The following DOCK1 variants were observed in gnomAD, a reference collection of about 807,000 sequenced individuals.
DOCK1 encodes the protein dedicator of cytokinesis protein 1.
In DOCK1, 138 loss-of-function variants were observed where a neutral mutation model predicts 262.7. That is an observed-to-expected ratio of 0.53 (90% CI 0.46 to 0.61). The LOEUF is 0.61. Among genes scored for constraint, DOCK1 ranks in the 20% least tolerant of loss-of-function variants. The probability of loss-of-function intolerance (pLI) is 0.00; values close to 1 mark genes in which losing one functional copy is unlikely to be tolerated. For missense variants in DOCK1, 1,908 were observed against 2,370.7 expected (o/e 0.80, Z 4.05); for synonymous variants, 866 against 867.4 (o/e 1.00, Z 0.03).
intron 27 of DOCK1, among the ~76,000 whole-genome samples, chr10:127,226,545 C>A (rs916423017): frequency 2.0e-5 from 3 of 151,956 alleles, no homozygotes; most frequent in Non-Finnish European, 4.4e-5. Flanking sequence ...GAGTTCGAGA[C>A]CAGCCTGGCC....
chr10:127,024,347 G>A (rs1258346415), intron 14 of DOCK1, among the ~76,000 whole-genome samples: 1 of 152,170 alleles, frequency 6.6e-6, no homozygotes, highest in African/African-American at 2.4e-5. Flanking sequence ...CCACTTTTTA[G>A]TCTACAGTCC....
At chr10:127,406,373 C>T (rs774078537) in intron 40 of DOCK1, among the ~76,000 whole-genome samples, 2 of 152,178 alleles carry the variant, frequency 1.3e-5, no homozygotes, top group Non-Finnish European at 2.9e-5. Flanking sequence ...TGGGTCATCT[C>T]CACCACCAAA....
At chr10:127,240,560 A>G (rs959592125) in intron 27 of DOCK1, among the ~76,000 whole-genome samples, 10 of 152,182 alleles carry the variant, frequency 6.6e-5, no homozygotes, top group Admixed American at 2.0e-4. Context: ...TTAATCAAAT[A>G]TTTAATTAAT....
At chr10:127,093,321 C>T (rs559961346) in intron 23 of DOCK1, among the ~76,000 whole-genome samples, 1 of 143,248 alleles carries the variant, frequency 7.0e-6, no homozygotes, top group Admixed American at 7.1e-5. Context: ...TCTCGGCTCA[C>T]TGCAACTTCC....
intron 14 of DOCK1, 92 bp downstream of exon 14, chr10:127,023,416 G>A: frequency 2.6e-6 from 4 of 1,521,004 alleles, no homozygotes; most frequent in Non-Finnish European, 3.5e-6. Flanking sequence ...TGTCGTCAGG[G>A]TGGGGCTTTG....
chr10:127,389,368 C>T (rs1384050863), intron 38 of DOCK1, among the ~76,000 whole-genome samples: 1 of 152,132 alleles, frequency 6.6e-6, no homozygotes, highest in East Asian at 1.9e-4. Flanking sequence ...TGACAAAGGC[C>T]ACGGCTGAAG....
At chr10:127,296,101 A>G (rs1406010650) in intron 29 of DOCK1, among the ~76,000 whole-genome samples, 1 of 152,200 alleles carries the variant, frequency 6.6e-6, no homozygotes, top group African/African-American at 2.4e-5. Context: ...TACTTGCCGT[A>G]TAATTTCTGA....
chr10:127,240,436 T>A (rs946102348), intron 27 of DOCK1, among the ~76,000 whole-genome samples: 2 of 151,982 alleles, frequency 1.3e-5, no homozygotes, highest in African/African-American at 4.8e-5. Context: ...TCACCATGGG[T>A]TGTTTATATG....
At chr10:127,224,913 A>G (rs2058580667) in intron 27 of DOCK1, among the ~76,000 whole-genome samples, 1 of 152,142 alleles carries the variant, frequency 6.6e-6, no homozygotes, top group Admixed American at 6.6e-5. Context: ...GTACATTTTA[A>G]TGAATGTGAA....
rs1311640879 is a variant in DOCK1, at chr10:126,995,104, C to T, written c.474-1644C>T. Among the ~76,000 whole-genome samples the T allele has an allele frequency of 2.0e-5, 3 of 151,468 alleles. No individual in the cohort carries two copies. The highest frequency in any genetic ancestry group is 4.9e-5 in the African/African-American group (2 of 41,190). ...GACGGGGCGGCAGGGCAGAGGCGCT[C>T]CCCAGATCCCAGACGATGGGCGGCC... On this transcript the variant is annotated intron_variant, in intron 6 of 51. Coordinates refer to ENST00000623213, the MANE Select transcript of DOCK1 (RefSeq NM_001290223.2). This position sits in a 1 kb window ranked among gnomAD's most constrained non-coding sequence, Gnocchi z 5.8.
At chr10:127,321,436 G>A (rs1303989898) in intron 29 of DOCK1, among the ~76,000 whole-genome samples, 13 of 145,072 alleles carry the variant, frequency 9.0e-5, no homozygotes, top group Non-Finnish European at 1.8e-4. Flanking sequence ...TCTTTTTTAG[G>A]TTCTTATTCT....
At chr10:127,189,563 CAAATT>C (rs1405061675) in intron 27 of DOCK1, among the ~76,000 whole-genome samples, 2 of 152,250 alleles carry the variant, frequency 1.3e-5, no homozygotes, top group Admixed American at 6.5e-5. Context: ...AAGTGCAAAA[CAAATT>C]AAATGAGGAT....
At chr10:127,339,648 T>TGTGTGTGC (rs372483692) in intron 30 of DOCK1, among the ~76,000 whole-genome samples, 2 of 143,784 alleles carry the variant, frequency 1.4e-5, no homozygotes, top group Non-Finnish European at 3.0e-5. Context: ...TGTGTGTGTG[T>TGTGTGTGC]GCGCGCGCGC....
intron 27 of DOCK1, among the ~76,000 whole-genome samples, chr10:127,231,827 C>T (rs1225236195): frequency 6.6e-6 from 1 of 152,152 alleles, no homozygotes; most frequent in Admixed American, 6.5e-5. Context: ...AGACTGAGTG[C>T]ATTCGCTCAG....
At chr10:127,408,911 G>A (rs769599365) in intron 40 of DOCK1, 126 bp from the exon 41 acceptor site, 1 of 1,283,460 alleles carries the variant, frequency 7.8e-7, no homozygotes, top group Non-Finnish European at 1.0e-6. Context: ...AAAATTACAA[G>A]TTGTTCTTAA....
At chr10:127,362,827 A>ACC (rs2064544372) in intron 33 of DOCK1, among the ~76,000 whole-genome samples, 1 of 139,568 alleles carries the variant, frequency 7.2e-6, no homozygotes, top group Non-Finnish European at 1.5e-5. Flanking sequence ...TGGCACCCAC[A>ACC]CCCACACATA....
intron 16 of DOCK1, among the ~76,000 whole-genome samples, chr10:127,029,787 G>C (rs1056280201): frequency 1.3e-3 from 195 of 152,282 alleles, no homozygotes; most frequent in African/African-American, 4.5e-3. Context: ...TACTGGTAGG[G>C]TCAGTAGAAG....
At chr10:127,148,967 G>A (rs911582064) in intron 27 of DOCK1, among the ~76,000 whole-genome samples, 23 of 152,264 alleles carry the variant, frequency 1.5e-4, no homozygotes, top group African/African-American at 4.1e-4. Context: ...GAAAGATCAC[G>A]TTTGGTACTT....
At chr10:127,377,159 G>T (rs1202967825) in intron 35 of DOCK1, among the ~76,000 whole-genome samples, 1 of 152,146 alleles carries the variant, frequency 6.6e-6, no homozygotes, top group Non-Finnish European at 1.5e-5. Context: ...GATCCCAACT[G>T]TCACAGTTTT....
Sources: gnomAD v4.1 joint callset for allele counts (sites outside exome capture counted in the v4.1 genomes callset) on GRCh38, gnomAD v4.1.1 for gene constraint, Gnocchi (gnomAD v3.1) non-coding constraint, MANE v1.5 for transcripts, NCBI Gene and HGNC (gene_info 2026-07-23, HGNC 2026-07-21) for gene names.